The following CCDC106 variants were observed in gnomAD, a reference collection of about 807,000 sequenced individuals.
CCDC106 encodes the protein coiled-coil domain containing 106.
Under a neutral mutation model 24.7 loss-of-function variants are expected in CCDC106, and 17 were observed. The ratio of observed to expected loss-of-function variants is 0.69; its 90% confidence interval spans 0.47 to 1.03. The LOEUF (loss-of-function observed/expected upper bound fraction) is 1.03. Among genes scored for constraint, CCDC106 ranks in the 50% least tolerant of loss-of-function variants. The pLI, the probability that CCDC106 is intolerant of heterozygous loss-of-function variation, is 0.00. For missense variants in CCDC106, 337 were observed against 388.9 expected, an observed-to-expected ratio of 0.87 and a Z score of 1.12; for synonymous variants, 211 against 161.3, an observed-to-expected ratio of 1.31 and a Z score of -2.34.
rs1983440378 is a variant in CCDC106, at chr19:55,652,987, A to G, written c.*241A>G. 2 of 478,348 alleles carry G rather than the reference A, an allele frequency of 4.2e-6. No individual in the cohort carries two copies. Among genetic ancestry groups the G allele is most frequent in the Admixed American group, 4.3e-5 (1 of 23,424 alleles). The allele number at this position is 478,348 out of a possible 1,614,324, so 29.6% of individuals were successfully genotyped here. ...TCGCCGGGCCCCTTCCTCCTGGAAA[A>G]CCAGGCAGGCGGGTGCCCCCCCCTC... On this transcript the variant is annotated 3_prime_UTR_variant, in exon 5 of 5. Coordinates refer to ENST00000586790, the MANE Select transcript of CCDC106 (RefSeq NM_001370470.1). The surrounding 1 kb of genome is among the most constrained non-coding windows in gnomAD (Gnocchi z 5.9).
At position 55,648,674 on chromosome 19, in the gene CCDC106, T is replaced by G; in HGVS notation, c.-373T>G. The G allele has an allele frequency of 6.0e-6, 2 of 333,240 alleles. No individual in the cohort carries two copies. Among genetic ancestry groups the G allele is most frequent in the Non-Finnish European group, 1.1e-5 (2 of 179,672 alleles). The allele number at this position is 333,240 out of a possible 1,614,324, so 20.6% of individuals were successfully genotyped here. ...CCGCGATGAGAGAGGGTCCTTCCCC[T>G]TCAGGCTAGGTGTCCCTGGTCAGGC... On this transcript the variant is annotated 5_prime_UTR_variant, in exon 1 of 5. Transcript: ENST00000586790.
intron 4 of CCDC106, among the ~76,000 whole-genome samples, 164 bp downstream of exon 4, chr19:55,651,659 T>C (rs1455907661): frequency 6.7e-6 from 1 of 148,378 alleles, no homozygotes; most frequent in Non-Finnish European, 1.5e-5. Flanking sequence ...GGGTTTACTT[T>C]CTTTTTTTTT....
chr19:55,651,460 G>A lies in CCDC106; in HGVS notation c.491G>A (p.Arg164His), dbSNP rs560080062. Residue 164 changes from arginine (R) to histidine (H), a missense_variant, in exon 4 of 5, where the codon CGC becomes CAC. Arg to His is a conservative substitution (Grantham distance 29). This residue lies in a region of CCDC106 where 234 missense variants were observed against 236.5 expected (regional missense o/e 0.99). Transcript: ENST00000586790. ...QKQKGGASRR[R>H]FGKPKARERQ... ...CAGAAGGGAGGTGCTAGTCGGAGGC[G>A]CTTTGGGAAGCCCAAGGCCCGGGAG... is the stretch of plus-strand genomic sequence containing the variant. 69 of 1,595,374 alleles carry A rather than the reference G, an allele frequency of 4.3e-5. No homozygotes were observed. In the South Asian group the frequency reaches 6.7e-4, roughly 15 times the overall value.
At chr19:55,647,834 G>T (rs1248208977), upstream of CCDC106, among the ~76,000 whole-genome samples, 1 of 151,966 alleles carries the variant, frequency 6.6e-6, no homozygotes, top group Non-Finnish European at 1.5e-5. Context: ...TTCTCCTTTC[G>T]CTCCAACTTT....
In CCDC106 at chr19:55,652,535, A is replaced by G; in HGVS notation, c.632A>G (p.Asn211Ser). The G allele has an allele frequency of 6.2e-7, 1 of 1,613,608 alleles. No homozygotes were observed. Among genetic ancestry groups the G allele is most frequent in the Non-Finnish European group, 8.5e-7 (1 of 1,179,956 alleles). ...RAFEHHRVDR[N>S]TVALTTPIAE... Reference sequence around the variant, plus strand: ...TTCGAGCACCACCGCGTGGACAGGAACACCGTGGCGCTGACCACGCCCATC... The same window carrying G: ...TTCGAGCACCACCGCGTGGACAGGAGCACCGTGGCGCTGACCACGCCCATC... The change falls in exon 5 of 5, where the codon AAC (asparagine) becomes AGC (serine). Residue 211 changes from asparagine to serine, a missense_variant. Physicochemically the swap from Asn to Ser is conservative, Grantham distance 46 (BLOSUM62 1). This residue lies in a region of CCDC106 where 103 missense variants were observed against 152.4 expected (regional missense o/e 0.68). Coordinates refer to ENST00000586790, the MANE Select transcript of CCDC106 (RefSeq NM_001370470.1). This position sits in a 1 kb window ranked among gnomAD's most constrained non-coding sequence, Gnocchi z 5.9.
intron 2 of CCDC106, 47 bp from the exon 3 acceptor site, chr19:55,649,361 G>C: frequency 1.2e-6 from 2 of 1,613,342 alleles, no homozygotes; most frequent in Non-Finnish European, 1.7e-6. Flanking sequence ...GCCAAGCCCT[G>C]AGTCCCAGGG....
chr19:55,652,734 C>A lies in CCDC106; in HGVS notation c.831C>A (p.Arg277=). ...KSKLLLPITY[R]FKR ...AGCTGCTGCTGCCCATCACCTACCG[C>A]TTCAAGCGGTGATCGCACCACGCCT... The change falls in exon 5 of 5, where the codon CGC becomes CGA. Residue 277 remains arginine, a synonymous_variant. Coordinates refer to ENST00000586790, the MANE Select transcript of CCDC106 (RefSeq NM_001370470.1). The surrounding 1 kb of genome is among the most constrained non-coding windows in gnomAD (Gnocchi z 5.9). 6.2e-7 allele frequency: 1 copy of A among 1,610,712 alleles called. No individual in the cohort carries two copies. Among genetic ancestry groups the A allele is most frequent in the Non-Finnish European group, 8.5e-7 (1 of 1,178,550 alleles).
chr19:55,652,934 CT>C lies in CCDC106; in HGVS notation c.*190del. On this transcript the variant is annotated 3_prime_UTR_variant, in exon 5 of 5. Transcript: ENST00000586790. The surrounding 1 kb of genome is among the most constrained non-coding windows in gnomAD (Gnocchi z 5.9). ...GCCCCTTCCCGAACGCCGGCACCCCCTTCCGCTTGGGCTGCCCAGCCCTGTC... is the reference window on the plus strand; with the variant it reads ...GCCCCTTCCCGAACGCCGGCACCCCCTCCGCTTGGGCTGCCCAGCCCTGTC... The C allele has an allele frequency of 1.7e-6, 1 of 585,566 alleles. No individual in the cohort carries two copies. The highest frequency in any genetic ancestry group is 3.0e-6 in the Non-Finnish European group (1 of 332,666). The allele number at this position is 585,566 out of a possible 1,614,324, so 36.3% of individuals were successfully genotyped here.
chr19:55,649,330 G>A (rs1159637711), intron 2 of CCDC106, 21 bp downstream of exon 2: 1 of 1,612,720 alleles, frequency 6.2e-7, no homozygotes, highest in African/African-American at 1.3e-5. Context: ...GGGGTGTGGA[G>A]GGACTGGAGT....
Position 55,648,508 on chromosome 19 carries a change from C to G in CCDC106, c.-539C>G, listed in dbSNP as rs1396646203. 1.1e-4 allele frequency: 18 copies of G among 157,790 alleles called. No homozygotes were observed. Among genetic ancestry groups the G allele is most frequent in the Admixed American group, 1.1e-3 (18 of 16,638 alleles). 9.8% of individuals were successfully genotyped at this position (157,790 alleles called of 1,614,324 possible). On this transcript the variant is annotated 5_prime_UTR_variant, in exon 1 of 5. Transcript: ENST00000586790. ...GCCCCCACCACCGGGGGACGGTCCG[C>G]CCGCCCACGCGAGTGCGGGGGAGGG...
At position 55,648,815 on chromosome 19, in the gene CCDC106, CCT is replaced by C. The variant is rs1983038340; in HGVS notation, c.-231_-230del. On this transcript the variant is annotated 5_prime_UTR_variant, in exon 1 of 5. Coordinates refer to ENST00000586790, the MANE Select transcript of CCDC106 (RefSeq NM_001370470.1). Reference sequence around the variant, plus strand: ...GACCTAGGCGGCTGGGCCCCCTGCCCCTGACTCCAGGAGCCCAGGAGTTTGAA... The same window carrying C: ...GACCTAGGCGGCTGGGCCCCCTGCCCGACTCCAGGAGCCCAGGAGTTTGAA... 1.7e-6 allele frequency: 1 copy of C among 593,784 alleles called. No homozygotes were observed. The highest frequency in any genetic ancestry group is 1.9e-5 in the African/African-American group (1 of 53,772). 36.8% of individuals were successfully genotyped at this position (593,784 alleles called of 1,614,324 possible).
intron 4 of CCDC106, 74 bp downstream of exon 4, chr19:55,651,569 C>G: frequency 9.5e-7 from 1 of 1,051,666 alleles, no homozygotes; most frequent in Non-Finnish European, 1.4e-6. Context: ...CCAGAGGTCC[C>G]CCTTTCTCTC....
Position 55,652,656 on chromosome 19 carries a change from T to C in CCDC106, c.753T>C (p.Phe251=), listed in dbSNP as rs777112419. 8.7e-6 allele frequency: 14 copies of C among 1,612,998 alleles called. No individual in the cohort carries two copies. In the South Asian group the frequency reaches 1.2e-4, roughly 14 times the overall value. ...TGCTCGAGTACTCCCGCCGCTGCTT[T>C]CTGGCCCTGGACGACGAGACGCTCA... ...ERLLEYSRRC[F]LALDDETLKK... is the part of the protein sequence containing the mutation. The change falls in exon 5 of 5, where the codon TTT becomes TTC. Residue 251 remains phenylalanine, a synonymous_variant. Coordinates refer to ENST00000586790, the MANE Select transcript of CCDC106 (RefSeq NM_001370470.1). This position sits in a 1 kb window ranked among gnomAD's most constrained non-coding sequence, Gnocchi z 5.9.
chr19:55,648,872 G>T lies in CCDC106; in HGVS notation c.-175G>T. ...AGGCGCGTTTTGCCTCAGTCCTGGG[G>T]TCCAGGCTCCCTCCTCCCTCAGACC... On this transcript the variant is annotated 5_prime_UTR_variant, in exon 1 of 5. Coordinates refer to ENST00000586790, the MANE Select transcript of CCDC106 (RefSeq NM_001370470.1). 1 of 712,976 alleles carries T rather than the reference G, an allele frequency of 1.4e-6. No homozygotes were observed. The highest frequency in any genetic ancestry group is 1.6e-5 in the South Asian group (1 of 60,730). 44.2% of individuals were successfully genotyped at this position (712,976 alleles called of 1,614,324 possible).
rs1477896993 is a variant in CCDC106, at chr19:55,648,926, T to G, written c.-121T>G. On this transcript the variant is annotated 5_prime_UTR_variant, in exon 1 of 5. Coordinates refer to ENST00000586790, the MANE Select transcript of CCDC106 (RefSeq NM_001370470.1). ...GGTCCAGGCCAGAAGGTCCCTCCTG[T>G]CTCACTTCACCTCCCCCAGGATGGA... is the stretch of plus-strand genomic sequence containing the variant. 1 of 983,312 alleles carries G rather than the reference T, an allele frequency of 1.0e-6. No homozygotes were observed. Among genetic ancestry groups the G allele is most frequent in the East Asian group, 2.4e-5 (1 of 42,032 alleles). The allele number at this position is 983,312 out of a possible 1,614,324, so 60.9% of individuals were successfully genotyped here. A position where few individuals can be genotyped will look rare whatever the true frequency, so the allele number is the denominator to read the frequency against.
At chr19:55,650,406 C>T (rs957486206) in intron 3 of CCDC106, among the ~76,000 whole-genome samples, 17 of 152,276 alleles carry the variant, frequency 1.1e-4, no homozygotes, top group Admixed American at 8.5e-4. Flanking sequence ...ATGGTCAGGC[C>T]GTTTGCCCGA....
rs1284900682 is a variant in CCDC106, at chr19:55,649,052, T to C, written c.6T>C (p.Asn2=). 2.5e-6 allele frequency: 4 copies of C among 1,613,426 alleles called. No individual in the cohort carries two copies. Among genetic ancestry groups the C allele is most frequent in the Non-Finnish European group, 3.4e-6 (4 of 1,180,018 alleles). Reference sequence around the variant, plus strand: ...GGTCCGTAGGAAGCCGCGCCATGAATGACCGGAGCAGTCGGAGGCGGACAA... The same window carrying C: ...GGTCCGTAGGAAGCCGCGCCATGAACGACCGGAGCAGTCGGAGGCGGACAA... M[N]DRSSRRRTMK... Residue 2 remains asparagine, a synonymous_variant, in exon 1 of 5, where the codon AAT becomes AAC. Coordinates refer to ENST00000586790, the MANE Select transcript of CCDC106 (RefSeq NM_001370470.1).
chr19:55,649,085 A>G lies in CCDC106; in HGVS notation c.31+8A>G. ...GCAGTCGGAGGCGGACAAGTGAGGA[A>G]GCTGGGTCCCCTTCCCTACCCTGGG... On this transcript the variant is annotated splice_region_variant and intron_variant, in intron 1 of 4. Transcript: ENST00000586790. The G allele has an allele frequency of 2.5e-6, 4 of 1,613,972 alleles. No homozygotes were observed. The highest frequency in any genetic ancestry group is 2.5e-6 in the Non-Finnish European group (3 of 1,179,984).
Position 55,649,306 on chromosome 19 carries a change from G to A in CCDC106, c.133G>A (p.Glu45Lys). The change falls in exon 2 of 5, where the codon GAG becomes AAG. Residue 45 changes from glutamate to lysine, a missense_variant. By Grantham distance (56) the Glu-to-Lys change is moderately conservative. Coordinates refer to ENST00000586790, the MANE Select transcript of CCDC106 (RefSeq NM_001370470.1). ...YSLSPSRRNF[E>K]EPPEAASSAL... Reference sequence around the variant, plus strand: ...TCTGAGCCCCTCTCGGAGAAACTTCGAGGGTGAGCTGAGGGGGTGTGGAGG... The same window carrying A: ...TCTGAGCCCCTCTCGGAGAAACTTCAAGGGTGAGCTGAGGGGGTGTGGAGG... 2.5e-6 allele frequency: 4 copies of A among 1,613,882 alleles called. No homozygotes were observed. Among genetic ancestry groups the A allele is most frequent in the Non-Finnish European group, 3.4e-6 (4 of 1,179,846 alleles).
Sources: allele counts gnomAD v4.1 joint callset (sites outside exome capture counted in the v4.1 genomes callset), GRCh38; gene constraint gnomAD v4.1.1; regional missense constraint gnomAD v4.1.1; non-coding constraint Gnocchi (gnomAD v3.1); transcripts MANE v1.5; gene names NCBI Gene and HGNC (gene_info 2026-07-23, HGNC 2026-07-21).